The following PHC3 variants were observed in gnomAD, a reference collection of about 807,000 sequenced individuals.
PHC3 encodes the protein polyhomeotic homolog 3.
PHC3 carries 13 observed loss-of-function variants against 107.4 expected under a neutral mutation model. The observed-to-expected ratio is 0.12, with a 90% CI of 0.08 to 0.19. The LOEUF is 0.19. PHC3 is among the 10% of genes least tolerant of loss of function. The pLI is 1.00. For synonymous variants in PHC3, 456 were observed against 427.4 expected (o/e 1.07, Z -0.83); for missense variants, 992 against 1,210.9 (o/e 0.82, Z 2.68).
intron 4 of PHC3, among the ~76,000 whole-genome samples, chr3:170,168,582 G>A (rs1285943863): frequency 2.6e-5 from 4 of 151,832 alleles, no homozygotes; most frequent in Admixed American, 2.0e-4. Flanking sequence ...TGGCTAAGAC[G>A]GTGAAATCCC....
At position 170,117,465 on chromosome 3, in the gene PHC3, A is replaced by G. The variant is rs1369324885; in HGVS notation, c.1954T>C (p.Leu652=). Residue 652 remains leucine, a synonymous_variant, in exon 10 of 15, where the codon TTA becomes CTA. Coordinates refer to ENST00000495893, the MANE Select transcript of PHC3 (RefSeq NM_024947.4). ...GCACTGACTGATGCCACAGCAGGTA[A>G]TTCCACTTGCTCTGAAAAAAAAACC... ...SEHPLLEQVE[L]PAVASVSASV... is the part of the protein sequence containing the mutation. The G allele has an allele frequency of 8.1e-6, 13 of 1,606,044 alleles. No individual in the cohort carries two copies. Among genetic ancestry groups the G allele is most frequent in the Non-Finnish European group, 1.1e-5 (13 of 1,176,312 alleles).
chr3:170,181,329 T>C (rs1731384812), intron 1 of PHC3, among the ~76,000 whole-genome samples: 1 of 151,112 alleles, frequency 6.6e-6, no homozygotes, highest in African/African-American at 2.4e-5. Flanking sequence ...CGCGGGCCCC[T>C]GCGCAGGCAG....
chr3:170,168,416 A>G (rs1346601674), intron 4 of PHC3, among the ~76,000 whole-genome samples: 2 of 152,310 alleles, frequency 1.3e-5, no homozygotes, highest in East Asian at 3.9e-4. Context: ...GAAATACTAA[A>G]GACATAAACC....
Position 170,122,760 on chromosome 3 carries a change from A to G in PHC3, c.1789-16T>C. 1 of 1,612,404 alleles carries G rather than the reference A, an allele frequency of 6.2e-7. No homozygotes were observed. The highest frequency in any genetic ancestry group is 1.1e-5 in the South Asian group (1 of 90,824). On this transcript the variant is annotated splice_polypyrimidine_tract_variant and intron_variant, in intron 8 of 14. Coordinates refer to ENST00000495893, the MANE Select transcript of PHC3 (RefSeq NM_024947.4). ...CCTGATAAACCTGCAATGACAAACCATACTGCCTTAAAATGTTTCCAAAAC... is the reference window on the plus strand; with the variant it reads ...CCTGATAAACCTGCAATGACAAACCGTACTGCCTTAAAATGTTTCCAAAAC...
Position 170,097,532 on chromosome 3 carries a change from T to C in PHC3, c.2834-148A>G. 1.3e-6 allele frequency: 1 copy of C among 753,208 alleles called. No homozygotes were observed. Among genetic ancestry groups the C allele is most frequent in the East Asian group, 2.8e-5 (1 of 35,900 alleles). 46.7% of individuals were successfully genotyped at this position (753,208 alleles called of 1,614,324 possible). ...GAAATTTATTTATGGTAGTCTTGAG[T>C]TCACTCTTGAAGAATAGAGTATTTG... On this transcript the variant is annotated intron_variant, in intron 14 of 14. Coordinates refer to ENST00000495893, the MANE Select transcript of PHC3 (RefSeq NM_024947.4). This position sits in a 1 kb window ranked among gnomAD's most constrained non-coding sequence, Gnocchi z 4.1.
intron 4 of PHC3, among the ~76,000 whole-genome samples, chr3:170,155,262 G>C (rs1325093970): frequency 6.6e-6 from 1 of 152,176 alleles, no homozygotes; most frequent in Non-Finnish European, 1.5e-5. Context: ...CCTAAATAGA[G>C]AAACATTTCA....
chr3:170,145,458 A>G lies in PHC3; in HGVS notation c.637T>C (p.Ser213Pro), dbSNP rs1192114672. 1 of 1,613,734 alleles carries G rather than the reference A, an allele frequency of 6.2e-7. No individual in the cohort carries two copies. Among genetic ancestry groups the G allele is most frequent in the Non-Finnish European group, 8.5e-7 (1 of 1,179,698 alleles). The change falls in exon 6 of 15, where the codon TCA (serine) becomes CCA (proline). Residue 213 changes from serine (S) to proline (P), a missense_variant. Ser to Pro is a moderately conservative substitution (Grantham distance 74, BLOSUM62 -1). Coordinates refer to ENST00000495893, the MANE Select transcript of PHC3 (RefSeq NM_024947.4). ...VQSDIPVVSS[S>P]SSSSCQSAAT... ...GCAGACTGACAGGAAGATGACGATGACGACGAGACAACAGGAATGTCAGAC... is the reference window on the plus strand; with the variant it reads ...GCAGACTGACAGGAAGATGACGATGGCGACGAGACAACAGGAATGTCAGAC...
Position 170,095,511 on chromosome 3 carries a change from T to C in PHC3, c.*1719A>G, listed in dbSNP as rs1209550782. 1 of 152,034 alleles carries C rather than the reference T, an allele frequency of 6.6e-6. No homozygotes were observed. Among genetic ancestry groups the C allele is most frequent in the Non-Finnish European group, 1.5e-5 (1 of 68,006 alleles). 9.4% of individuals were successfully genotyped at this position (152,034 alleles called of 1,614,324 possible). Reference sequence around the variant, plus strand: ...TGTACACAAAGCCAAAAGATAAATATAGTATCTGTGATGTCTTCAGTGACA... The same window carrying C: ...TGTACACAAAGCCAAAAGATAAATACAGTATCTGTGATGTCTTCAGTGACA... On this transcript the variant is annotated 3_prime_UTR_variant, in exon 15 of 15. Transcript: ENST00000495893.
At chr3:170,151,625 C>T (rs1725997333) in intron 4 of PHC3, among the ~76,000 whole-genome samples, 1 of 152,166 alleles carries the variant, frequency 6.6e-6, no homozygotes. Flanking sequence ...AAGTCAAATC[C>T]CTATTTTGAG....
In PHC3 at chr3:170,149,067, T is replaced by C; in HGVS notation, c.573+19A>G. The C allele has an allele frequency of 6.2e-7, 1 of 1,608,352 alleles. No homozygotes were observed. The highest frequency in any genetic ancestry group is 8.5e-7 in the Non-Finnish European group (1 of 1,177,440). ...TCAAGTCCTTAAACACTGAAAAAAT[T>C]TGGTAGCTCATATCTTACCATTTGA... is the stretch of plus-strand genomic sequence containing the variant. On this transcript the variant is annotated intron_variant, in intron 5 of 14. Coordinates refer to ENST00000495893, the MANE Select transcript of PHC3 (RefSeq NM_024947.4).
At position 170,178,809 on chromosome 3, in the gene PHC3, G is replaced by T. The variant is rs755242624; in HGVS notation, c.144C>A (p.Ile48=). 6.2e-7 allele frequency: 1 copy of T among 1,614,024 alleles called. No individual in the cohort carries two copies. Among genetic ancestry groups the T allele is most frequent in the Admixed American group, 1.7e-5 (1 of 60,024 alleles). ...GTCGGTCTGAACCACTGTAGACAGA[G>T]ATCTGTGGCTGCTGCATTCGAGAGG... is the stretch of plus-strand genomic sequence containing the variant. The part of the protein sequence containing the change: ...TSSSRMQQPQ[I]SVYSGSDRHA... Residue 48 remains isoleucine (I), a synonymous_variant, in exon 2 of 15, where the codon ATC becomes ATA. Transcript: ENST00000495893.
At chr3:170,137,596 G>T (rs1253475403) in intron 6 of PHC3, among the ~76,000 whole-genome samples, 2 of 152,184 alleles carry the variant, frequency 1.3e-5, no homozygotes, top group African/African-American at 4.8e-5. Flanking sequence ...TCAGTTTCAT[G>T]TGTGTTCCGT....
intron 3 of PHC3, 148 bp from the exon 4 acceptor site, chr3:170,171,598 G>A (rs528135598): frequency 1.6e-5 from 9 of 580,256 alleles, no homozygotes; most frequent in Admixed American, 7.7e-5. Context: ...CTTAAGCTTC[G>A]GTTAAACAGA....
chr3:170,119,051 AAAAAGAAAAAG>A (rs1412571854), intron 9 of PHC3, among the ~76,000 whole-genome samples: 1 of 151,248 alleles, frequency 6.6e-6, no homozygotes, highest in East Asian at 1.9e-4. Context: ...AAAAAAAAAA[AAAAAGAAAAAG>A]AAAAGAAAAG....
chr3:170,119,902 A>C (rs1719882982), intron 9 of PHC3, among the ~76,000 whole-genome samples: 1 of 152,158 alleles, frequency 6.6e-6, no homozygotes, highest in East Asian at 1.9e-4. Flanking sequence ...GTATGAGGTA[A>C]ATTAGAGGAA....
chr3:170,122,809 T>G lies in PHC3; in HGVS notation c.1789-65A>C, dbSNP rs777959274. 26 of 1,539,452 alleles carry G rather than the reference T, an allele frequency of 1.7e-5. 1 individual carries two copies. In the Admixed American group the frequency reaches 2.7e-4, roughly 16 times the overall value. ...ACTATATTTTATCAGGTGTTCTTAA[T>G]TTCAGAAAATTAAATTCTATGTGTA... On this transcript the variant is annotated intron_variant, in intron 8 of 14. Coordinates refer to ENST00000495893, the MANE Select transcript of PHC3 (RefSeq NM_024947.4).
At chr3:170,143,917 T>C (rs1392093650) in intron 6 of PHC3, among the ~76,000 whole-genome samples, 1 of 152,202 alleles carries the variant, frequency 6.6e-6, no homozygotes, top group Non-Finnish European at 1.5e-5. Flanking sequence ...TAGAATTTCA[T>C]ATAATGGAAT....
At chr3:170,098,582 T>A (rs1282340749) in intron 14 of PHC3, among the ~76,000 whole-genome samples, 1 of 152,036 alleles carries the variant, frequency 6.6e-6, no homozygotes, top group Non-Finnish European at 1.5e-5. Context: ...ATAATATTTG[T>A]CAATAAGGAC....
At chr3:170,177,812 T>G (rs948262134) in intron 2 of PHC3, among the ~76,000 whole-genome samples, 1 of 151,474 alleles carries the variant, frequency 6.6e-6, no homozygotes, top group African/African-American at 2.4e-5. Flanking sequence ...CTGGGACCAC[T>G]GGCACATGCC....
Sources: allele counts gnomAD v4.1 joint callset (sites outside exome capture counted in the v4.1 genomes callset), GRCh38; gene constraint gnomAD v4.1.1; non-coding constraint Gnocchi (gnomAD v3.1); transcripts MANE v1.5; gene names NCBI Gene and HGNC (gene_info 2026-07-23, HGNC 2026-07-21).